Variants in USP34 observed in about 807,000 individuals in gnomAD.
The protein encoded by USP34 is ubiquitin carboxyl-terminal hydrolase 34.
In USP34, 70 loss-of-function variants were observed where a neutral mutation model predicts 460.3. The observed-to-expected ratio is 0.15, with a 90% CI of 0.13 to 0.19. The LOEUF is 0.19. USP34 is among the 10% of genes least tolerant of loss of function. The probability of loss-of-function intolerance (pLI) is 1.00; values close to 1 mark genes in which losing one functional copy is unlikely to be tolerated. For synonymous variants in USP34, 1,647 were observed against 1,405.3 expected (o/e 1.17, Z -3.85); for missense variants, 3,985 against 4,236.2 (o/e 0.94, Z 1.65).
At chr2:61,313,663 A>G (rs992427090) in intron 25 of USP34, among the ~76,000 whole-genome samples, 2 of 152,084 alleles carry the variant, frequency 1.3e-5, no homozygotes, top group African/African-American at 2.4e-5. Flanking sequence ...GTTTCTGTGT[A>G]AAAAAATGAG....
Position 61,222,656 on chromosome 2 carries a change from G to T in USP34, c.7757C>A (p.Ser2586Tyr). Residue 2586 changes from serine to tyrosine, a missense_variant, in exon 65 of 80, where the codon TCT becomes TAT. Around this residue, in one of 14 missense-constraint regions of USP34, gnomAD observed 604 missense variants for 684.8 expected, o/e 0.88. Transcript: ENST00000398571. Reference sequence around the variant, plus strand: ...CTTTGCTATTGATGTGAAAAGCATAGATACAATCTAAAACAGAAAGAGGAG... The same window carrying T: ...CTTTGCTATTGATGTGAAAAGCATATATACAATCTAAAACAGAAAGAGGAG... ...YNNRLAEHIV[S>Y]MLFTSIAKLT... 6.2e-7 allele frequency: 1 copy of T among 1,611,776 alleles called. No individual in the cohort carries two copies. The highest frequency in any genetic ancestry group is 8.5e-7 in the Non-Finnish European group (1 of 1,178,934).
intron 75 of USP34, among the ~76,000 whole-genome samples, chr2:61,202,122 G>T (rs1286459915): frequency 1.3e-5 from 2 of 152,154 alleles, no homozygotes; most frequent in Non-Finnish European, 2.9e-5. Flanking sequence ...TGGTTTTGCT[G>T]AAGTGGAATT....
intron 37 of USP34, among the ~76,000 whole-genome samples, chr2:61,282,399 C>G (rs1008500080): frequency 1.3e-5 from 2 of 152,140 alleles, no homozygotes; most frequent in Admixed American, 1.3e-4. Context: ...CAAGATACAG[C>G]TAATAAAAAT....
At chr2:61,395,373 T>C (rs1361599948) in intron 3 of USP34, 140 bp from the exon 4 acceptor site, 3 of 616,336 alleles carry the variant, frequency 4.9e-6, no homozygotes, top group Middle Eastern at 4.5e-4. Flanking sequence ...GTGATACTCC[T>C]AACTGAAGCT....
In USP34 at chr2:61,348,003, A is replaced by G; in HGVS notation, c.2152T>C (p.Ser718Pro). 1 of 1,613,858 alleles carries G rather than the reference A, an allele frequency of 6.2e-7. No individual in the cohort carries two copies. Among genetic ancestry groups the G allele is most frequent in the Non-Finnish European group, 8.5e-7 (1 of 1,179,974 alleles). ...EMNATHIAQGSQESCITRTGD... is the reference protein window; with the variant it reads ...EMNATHIAQGPQESCITRTGD... The stretch of plus-strand genomic sequence containing the variant: ...GTTCGTGTGATACAAGACTCCTGAG[A>G]CCCTTGTGCTATATGAGTAGCATTC... The change falls in exon 15 of 80, where the codon TCT becomes CCT. Residue 718 changes from serine to proline, a missense_variant. Around this residue, in one of 14 missense-constraint regions of USP34, gnomAD observed 716 missense variants for 626.2 expected, o/e 1.14. Coordinates refer to ENST00000398571, the MANE Select transcript of USP34 (RefSeq NM_014709.4).
At chr2:61,358,410 A>G (rs1437041297) in intron 10 of USP34, among the ~76,000 whole-genome samples, 1 of 152,136 alleles carries the variant, frequency 6.6e-6, no homozygotes, top group African/African-American at 2.4e-5. Flanking sequence ...TGTACACGAG[A>G]AAATTGGACA....
intron 1 of USP34, among the ~76,000 whole-genome samples, chr2:61,455,113 C>A (rs1435738493): frequency 2.0e-5 from 3 of 152,058 alleles, no homozygotes; most frequent in African/African-American, 7.2e-5. Context: ...AACTCCTGAC[C>A]TGTGGTGATA....
intron 8 of USP34, among the ~76,000 whole-genome samples, chr2:61,375,049 C>G (rs1692750943): frequency 6.6e-6 from 1 of 152,148 alleles, no homozygotes; most frequent in Admixed American, 6.5e-5. Flanking sequence ...GTCTGTAGTA[C>G]AGACCACATT....
intron 43 of USP34, 73 bp from the exon 44 acceptor site, chr2:61,259,849 G>A (rs1213536803): frequency 5.1e-6 from 7 of 1,366,864 alleles, no homozygotes; most frequent in African/African-American, 1.4e-5. Context: ...AGCAAAGAAA[G>A]TCTTGCAATG....
At chr2:61,403,836 G>C (rs1693789393) in intron 3 of USP34, among the ~76,000 whole-genome samples, 2 of 151,324 alleles carry the variant, frequency 1.3e-5, no homozygotes, top group South Asian at 2.1e-4. Flanking sequence ...AAAATACAAA[G>C]AAAAAAATTA....
At chr2:61,344,656 A>G (rs1012235273) in intron 15 of USP34, among the ~76,000 whole-genome samples, 3 of 152,230 alleles carry the variant, frequency 2.0e-5, no homozygotes, top group African/African-American at 7.2e-5. Context: ...TGGAATGGGT[A>G]TAGGTGTCAA....
chr2:61,378,593 C>T (rs1038189875), intron 7 of USP34, among the ~76,000 whole-genome samples, 169 bp from the exon 8 acceptor site: 11 of 152,036 alleles, frequency 7.2e-5, no homozygotes, highest in African/African-American at 2.7e-4. Context: ...ATTACTAAAA[C>T]TATTTCTGTT....
At position 61,283,277 on chromosome 2, in the gene USP34, AAAATT is replaced by A; in HGVS notation, c.4874-13_4874-9del. The A allele has an allele frequency of 6.2e-7, 1 of 1,610,190 alleles. No homozygotes were observed. Among genetic ancestry groups the A allele is most frequent in the East Asian group, 2.2e-5 (1 of 44,738 alleles). ...ACATTGAATAATGTGAAACTAAAGAAAAATTAGAAAACAGTTCACTATAAAAGGTT... is the reference window on the plus strand; with the variant it reads ...ACATTGAATAATGTGAAACTAAAGAAAGAAAACAGTTCACTATAAAAGGTT... On this transcript the variant is annotated splice_polypyrimidine_tract_variant and intron_variant, in intron 36 of 79. Coordinates refer to ENST00000398571, the MANE Select transcript of USP34 (RefSeq NM_014709.4).
At chr2:61,314,022 T>A (rs1690672598) in intron 25 of USP34, among the ~76,000 whole-genome samples, 1 of 152,100 alleles carries the variant, frequency 6.6e-6, no homozygotes, top group East Asian at 1.9e-4. Context: ...GTCGATATAT[T>A]CATAAATATT....
chr2:61,427,308 A>G (rs2103988577), intron 1 of USP34, among the ~76,000 whole-genome samples: 1 of 152,144 alleles, frequency 6.6e-6, no homozygotes, highest in Non-Finnish European at 1.5e-5. Flanking sequence ...GATTACAGGC[A>G]TGAGCCACCG....
chr2:61,208,045 C>G (rs1473006240), intron 70 of USP34: 1 of 152,308 alleles, frequency 6.6e-6, no homozygotes, highest in South Asian at 2.1e-4. Flanking sequence ...TTATAGGAAG[C>G]ATAAACAGCT....
chr2:61,206,086 C>G lies in USP34; in HGVS notation c.9085G>C (p.Glu3029Gln), dbSNP rs766947494. ...AGAGTTAACAGTTTATGGGCAAATT[C>G]AATTCGCTCCTGCCACTGGATTAAT... is the stretch of plus-strand genomic sequence containing the variant. ...QALIQWQERI[E>Q]FAHKLLTLLN... Residue 3029 changes from glutamate (E) to glutamine (Q), a missense_variant, in exon 72 of 80, where the codon GAA (glutamate) becomes CAA (glutamine). Physicochemically the swap from Glu to Gln is conservative, Grantham distance 29. This residue lies in a region of USP34 where 275 missense variants were observed against 292.7 expected (regional missense o/e 0.94). Transcript: ENST00000398571. 1.2e-6 allele frequency: 2 copies of G among 1,613,788 alleles called. No individual in the cohort carries two copies. The highest frequency in any genetic ancestry group is 8.5e-7 in the Non-Finnish European group (1 of 1,179,812).
chr2:61,376,893 C>G (rs1393785107), intron 8 of USP34, among the ~76,000 whole-genome samples: 1 of 152,254 alleles, frequency 6.6e-6, no homozygotes, highest in Non-Finnish European at 1.5e-5. Context: ...ATCTGCCCGC[C>G]TCAGCCTCCC....
chr2:61,225,301 T>A (rs1019855400), intron 62 of USP34, among the ~76,000 whole-genome samples: 4 of 152,170 alleles, frequency 2.6e-5, no homozygotes, highest in Non-Finnish European at 4.4e-5. Context: ...TAATATACAT[T>A]AATACTTTCA....
Sources: gnomAD v4.1 joint callset for allele counts (sites outside exome capture counted in the v4.1 genomes callset) on GRCh38, gnomAD v4.1.1 for gene constraint, gnomAD v4.1.1 regional missense constraint, MANE v1.5 for transcripts, NCBI Gene and HGNC (gene_info 2026-07-23, HGNC 2026-07-21) for gene names.